The following KCNQ3 variants were observed in gnomAD, a reference collection of about 807,000 sequenced individuals.
The protein encoded by KCNQ3 is potassium voltage-gated channel subfamily Q member 3.
A neutral mutation model predicts 92.5 loss-of-function variants in KCNQ3; 30 were observed. The observed-to-expected ratio is 0.32, with a 90% CI of 0.24 to 0.44. The LOEUF is 0.44. Among genes scored for constraint, KCNQ3 ranks in the 20% least tolerant of loss-of-function variants. The pLI is 1.00. For synonymous variants in KCNQ3, 450 were observed against 468.8 expected (o/e 0.96, Z 0.52); for missense variants, 913 against 1,140.3 (o/e 0.80, Z 2.87).
Position 132,477,658 on chromosome 8 carries a change from A to G in KCNQ3, c.386+2489T>C, listed in dbSNP as rs1822446029. Among the ~76,000 whole-genome samples, 4 of 152,224 alleles carry G rather than the reference A, an allele frequency of 2.6e-5. 1 individual carries two copies. The South Asian group carries it at 6.2e-4, about 24-fold the overall frequency. On this transcript the variant is annotated intron_variant, in intron 1 of 14. Coordinates refer to ENST00000388996, the MANE Select transcript of KCNQ3 (RefSeq NM_004519.4). ...ATTTATCAGAATCCGCAATCCCACC[A>G]CCACCCCAGTTCATCCTCAATTTTC... is the stretch of plus-strand genomic sequence containing the variant.
At chr8:132,202,977 TA>T (rs36074899) in intron 1 of KCNQ3, among the ~76,000 whole-genome samples, 100,877 of 151,952 alleles carry the variant, frequency 0.66, 34,183 homozygotes, top group African/African-American at 0.73. Context: ...CAATTTATTT[TA>T]AAAAAAATTG....
chr8:132,387,549 A>G (rs1819921407), intron 1 of KCNQ3, among the ~76,000 whole-genome samples: 1 of 152,216 alleles, frequency 6.6e-6, no homozygotes, highest in African/African-American at 2.4e-5. Context: ...CTGATAGAGG[A>G]GATTTTATAC....
chr8:132,351,572 C>T (rs918559781), intron 1 of KCNQ3, among the ~76,000 whole-genome samples: 1 of 152,216 alleles, frequency 6.6e-6, no homozygotes, highest in Non-Finnish European at 1.5e-5. Flanking sequence ...TCCACAGTGG[C>T]TGTGGGGCTG....
At chr8:132,334,124 G>T (rs1818302283) in intron 1 of KCNQ3, among the ~76,000 whole-genome samples, 1 of 152,168 alleles carries the variant, frequency 6.6e-6, no homozygotes, top group South Asian at 2.1e-4. Flanking sequence ...AGGTGTAGTT[G>T]ATTTAAATCT....
Position 132,343,790 on chromosome 8 carries a change from C to T in KCNQ3, c.386+136357G>A, listed in dbSNP as rs117280336. Among the ~76,000 whole-genome samples the T allele has an allele frequency of 7.0e-4, 107 of 152,228 alleles. 3 individuals carry two copies. In the East Asian group the frequency reaches 0.019, roughly 27 times the overall value. On this transcript the variant is annotated intron_variant, in intron 1 of 14. Coordinates refer to ENST00000388996, the MANE Select transcript of KCNQ3 (RefSeq NM_004519.4). The stretch of plus-strand genomic sequence containing the variant: ...GTGTCCTGGGTGGCTTTGCTTGTGG[C>T]TCTTCCAGTTTCTATAGTGTGCAGT...
chr8:132,447,619 CAG>C (rs1821717186), intron 1 of KCNQ3, among the ~76,000 whole-genome samples: 1 of 152,122 alleles, frequency 6.6e-6, no homozygotes, highest in African/African-American at 2.4e-5. Context: ...TAAGATAAAA[CAG>C]AAAATCAATA....
At position 132,356,007 on chromosome 8, in the gene KCNQ3, GT is replaced by G. The variant is rs1819009321; in HGVS notation, c.386+124139del. On this transcript the variant is annotated intron_variant, in intron 1 of 14. Coordinates refer to ENST00000388996, the MANE Select transcript of KCNQ3 (RefSeq NM_004519.4). The stretch of plus-strand genomic sequence containing the variant: ...TGGCTTTGAGGCCAGGCTCACCTGA[GT>G]GTGGATGCGGTTCATGAAGGTGATA... Among the ~76,000 whole-genome samples the G allele has an allele frequency of 2.0e-5, 3 of 152,190 alleles. No homozygotes were observed. In the South Asian group the frequency reaches 6.2e-4, roughly 32 times the overall value.
At chr8:132,191,012 A>G (rs1827138523) in intron 1 of KCNQ3, among the ~76,000 whole-genome samples, 1 of 152,260 alleles carries the variant, frequency 6.6e-6, no homozygotes. Flanking sequence ...GAGAATGAAT[A>G]CAAACAATTT....
Position 132,204,045 on chromosome 8 carries a change from G to T in KCNQ3, c.387-17864C>A, listed in dbSNP as rs540735935. 1.7e-4 allele frequency among the ~76,000 whole-genome samples: 26 copies of T among 152,280 alleles called. No individual in the cohort carries two copies. The South Asian group carries it at 3.7e-3, about 22-fold the overall frequency. On this transcript the variant is annotated intron_variant, in intron 1 of 14. Transcript: ENST00000388996. ...AATAATTGTACAAACTACTAAGAAA[G>T]GAAAACTGACAATTACCTTATGACA... is the stretch of plus-strand genomic sequence containing the variant.
intron 1 of KCNQ3, among the ~76,000 whole-genome samples, chr8:132,382,680 A>C (rs1441600342): frequency 6.6e-6 from 1 of 152,160 alleles, no homozygotes; most frequent in Non-Finnish European, 1.5e-5. Flanking sequence ...CTCCCAGGAG[A>C]AAGAGATGCC....
Position 132,223,925 on chromosome 8 carries a change from C to A in KCNQ3, c.387-37744G>T, listed in dbSNP as rs149543158. 2.7e-3 allele frequency among the ~76,000 whole-genome samples: 417 copies of A among 151,868 alleles called. 1 individual carries two copies. Among genetic ancestry groups the A allele is most frequent in the Middle Eastern group, 0.01 (3 of 294 alleles). ...CAATAACAAATCTAACCACCAGGAT[C>A]ATATTTTTGAGACAGAATTTCACTC... is the stretch of plus-strand genomic sequence containing the variant. On this transcript the variant is annotated intron_variant, in intron 1 of 14. Transcript: ENST00000388996.
At chr8:132,372,904 G>A (rs765608861) in intron 1 of KCNQ3, among the ~76,000 whole-genome samples, 1 of 152,106 alleles carries the variant, frequency 6.6e-6, no homozygotes, top group Non-Finnish European at 1.5e-5. Context: ...TGCAGAGCTC[G>A]GCTCCTGGGG....
intron 3 of KCNQ3, among the ~76,000 whole-genome samples, chr8:132,181,943 G>A (rs1826793087): frequency 2.0e-5 from 3 of 151,950 alleles, no homozygotes. Flanking sequence ...TACTTGGGAG[G>A]CTGAGGCAGG....
intron 1 of KCNQ3, among the ~76,000 whole-genome samples, chr8:132,355,561 C>T (rs186418471): frequency 3.2e-4 from 48 of 152,192 alleles, no homozygotes; most frequent in African/African-American, 1.1e-3. Context: ...CCAAAACAAT[C>T]AGAAGGTGAG....
intron 1 of KCNQ3, among the ~76,000 whole-genome samples, chr8:132,334,753 G>A (rs144144093): frequency 0.01 from 1,597 of 152,192 alleles, 34 homozygotes; most frequent in African/African-American, 0.037. Context: ...TTGTAGGGAA[G>A]TTTCGCTCCT....
chr8:132,472,719 C>T (rs1822323360), intron 1 of KCNQ3, among the ~76,000 whole-genome samples: 2 of 152,126 alleles, frequency 1.3e-5, no homozygotes, highest in Non-Finnish European at 2.9e-5. Context: ...CCATAGTTAA[C>T]AACAATGTAT....
In KCNQ3 at chr8:132,129,413, C is replaced by A; in HGVS notation, c.2468G>T (p.Gly823Val). The A allele has an allele frequency of 1.2e-6, 2 of 1,614,188 alleles. No homozygotes were observed. Among genetic ancestry groups the A allele is most frequent in the Non-Finnish European group, 1.7e-6 (2 of 1,180,052 alleles). ...RDDYVFGPNG[G>V]SSWMREKRYL... ...CCGCTTCTCCCTCATCCAGCTCGAC[C>A]CCCCATTGGGGCCGAACACATAATC... The change falls in exon 15 of 15, where the codon GGG (glycine) becomes GTG (valine). Residue 823 changes from glycine to valine, a missense_variant. Transcript: ENST00000388996. The surrounding 1 kb of genome is among the most constrained non-coding windows in gnomAD (Gnocchi z 5.9).
intron 1 of KCNQ3, among the ~76,000 whole-genome samples, chr8:132,462,628 C>G (rs1317049850): frequency 6.6e-6 from 1 of 152,190 alleles, no homozygotes; most frequent in Non-Finnish European, 1.5e-5. Context: ...CTACTGCATT[C>G]AGAATATCTG....
chr8:132,196,967 G>A (rs1827316672), intron 1 of KCNQ3, among the ~76,000 whole-genome samples: 1 of 151,630 alleles, frequency 6.6e-6, no homozygotes, highest in Admixed American at 6.6e-5. Flanking sequence ...GTGAATTTTA[G>A]CTTAGATGGG....
Sources: allele counts gnomAD v4.1 joint callset (sites outside exome capture counted in the v4.1 genomes callset), GRCh38; gene constraint gnomAD v4.1.1; non-coding constraint Gnocchi (gnomAD v3.1); transcripts MANE v1.5; gene names NCBI Gene and HGNC (gene_info 2026-07-23, HGNC 2026-07-21).